The following TLK2 variants were observed in gnomAD, a reference collection of about 807,000 sequenced individuals.
The protein encoded by TLK2 is tousled like kinase 2, also known as serine/threonine-protein kinase tousled-like 2.
A neutral mutation model predicts 117.3 loss-of-function variants in TLK2; 6 were observed. The ratio of observed to expected loss-of-function variants is 0.05; its 90% CI spans 0.03 to 0.10. The LOEUF (loss-of-function observed/expected upper bound fraction) is 0.10, where lower values mean the gene tolerates loss of function less well. TLK2 is among the 10% of genes least tolerant of loss of function. The pLI, the probability that TLK2 is intolerant of heterozygous loss-of-function variation, is 1.00. For missense variants in TLK2, 299 were observed against 901.2 expected, an observed-to-expected ratio of 0.33 and a Z score of 8.56; for synonymous variants, 257 against 316.7, an observed-to-expected ratio of 0.81 and a Z score of 2.00.
intron 12 of TLK2, chr17:62,574,477 C>G: frequency 1.3e-6 from 1 of 792,446 alleles, no homozygotes; most frequent in Non-Finnish European, 2.1e-6. Context: ...GCATAATGAA[C>G]TTGGAAAACA....
intron 2 of TLK2, among the ~76,000 whole-genome samples, chr17:62,489,644 G>C (rs2072892931): frequency 6.6e-6 from 1 of 152,082 alleles, no homozygotes; most frequent in South Asian, 2.1e-4. Flanking sequence ...TGCCCAGCCT[G>C]TATATTTTCT....
At chr17:62,584,725 C>G (rs986930000) in intron 15 of TLK2, among the ~76,000 whole-genome samples, 1 of 152,170 alleles carries the variant, frequency 6.6e-6, no homozygotes, top group Non-Finnish European at 1.5e-5. Flanking sequence ...GGTTTTTATA[C>G]TTTAAACATA....
At chr17:62,514,106 GTTA>G (rs1392916501) in intron 2 of TLK2, among the ~76,000 whole-genome samples, 2 of 151,914 alleles carry the variant, frequency 1.3e-5, no homozygotes, top group African/African-American at 4.8e-5. Context: ...CTACGTGTTA[GTTA>G]TTATTGTTAT....
At chr17:62,607,316 G>A (rs1392200234) in intron 20 of TLK2, among the ~76,000 whole-genome samples, 3 of 150,356 alleles carry the variant, frequency 2.0e-5, no homozygotes, top group Admixed American at 1.3e-4. Context: ...TCAGGAGATC[G>A]AGACCATCCT....
chr17:62,546,314 A>G (rs1408124095), intron 7 of TLK2, among the ~76,000 whole-genome samples: 2 of 138,870 alleles, frequency 1.4e-5, no homozygotes, highest in Non-Finnish European at 3.1e-5. Context: ...CACCCGGCTG[A>G]GAAAGTTCCC....
At chr17:62,494,020 T>C (rs1387792793) in intron 2 of TLK2, among the ~76,000 whole-genome samples, 2 of 152,136 alleles carry the variant, frequency 1.3e-5, no homozygotes, top group Admixed American at 6.6e-5. Flanking sequence ...GTAGGTTACT[T>C]TTAGAATATC....
chr17:62,554,196 C>T (rs2078679761), intron 9 of TLK2, among the ~76,000 whole-genome samples: 1 of 152,234 alleles, frequency 6.6e-6, no homozygotes, highest in East Asian at 1.9e-4. Flanking sequence ...CTTTAAAATG[C>T]TTCATCTGGA....
chr17:62,602,336 A>G (rs1378564786), intron 19 of TLK2, among the ~76,000 whole-genome samples, 156 bp downstream of exon 19: 1 of 152,196 alleles, frequency 6.6e-6, no homozygotes. Context: ...TCTTTTCAAC[A>G]GTTTGACTCT....
intron 2 of TLK2, chr17:62,508,671 A>G (rs2074911431): frequency 2.7e-6 from 2 of 740,948 alleles, no homozygotes; most frequent in South Asian, 1.2e-4. Context: ...ATAAGACATA[A>G]AAATCAGAAT....
At chr17:62,498,286 A>G (rs535365242) in intron 2 of TLK2, among the ~76,000 whole-genome samples, 1 of 152,192 alleles carries the variant, frequency 6.6e-6, no homozygotes, top group African/African-American at 2.4e-5. Flanking sequence ...TATAATTCCT[A>G]GTTTTTAGGT....
intron 6 of TLK2, among the ~76,000 whole-genome samples, chr17:62,529,183 G>A (rs1486170458): frequency 6.6e-6 from 1 of 152,052 alleles, no homozygotes; most frequent in Non-Finnish European, 1.5e-5. Flanking sequence ...ATTAAATTTT[G>A]TTTTATGTAT....
At chr17:62,552,676 T>G (rs2078563221) in intron 8 of TLK2, among the ~76,000 whole-genome samples, 1 of 152,042 alleles carries the variant, frequency 6.6e-6, no homozygotes, top group Non-Finnish European at 1.5e-5. Flanking sequence ...TTTTTTTTTT[T>G]TTCCCTACAG....
chr17:62,552,680 C>G (rs1041692117), intron 8 of TLK2, among the ~76,000 whole-genome samples: 13 of 147,294 alleles, frequency 8.8e-5, no homozygotes, highest in Non-Finnish European at 7.5e-5. Context: ...TTTTTTTTTC[C>G]CTACAGTATT....
chr17:62,526,332 C>T (rs1202056902), intron 6 of TLK2, among the ~76,000 whole-genome samples: 1 of 152,192 alleles, frequency 6.6e-6, no homozygotes, highest in African/African-American at 2.4e-5. Context: ...GTTCCCTTTC[C>T]TCCATGAATA....
intron 7 of TLK2, among the ~76,000 whole-genome samples, chr17:62,548,513 C>A (rs1456864246): frequency 6.6e-6 from 1 of 151,878 alleles, no homozygotes; most frequent in Non-Finnish European, 1.5e-5. Flanking sequence ...GAACTCCTGA[C>A]CTCATGATCT....
intron 6 of TLK2, 70 bp from the exon 7 acceptor site, chr17:62,536,100 C>A: frequency 2.6e-6 from 4 of 1,517,464 alleles, no homozygotes; most frequent in Non-Finnish European, 3.6e-6. Context: ...TGTTTTTAAC[C>A]CGTTGCATGT....
rs370243249 is a variant in TLK2, at chr17:62,600,829, A to T, written c.1720+9A>T. The T allele has an allele frequency of 1.9e-6, 3 of 1,593,368 alleles. No individual in the cohort carries two copies. The highest frequency in any genetic ancestry group is 1.2e-5 in the South Asian group (1 of 86,954). On this transcript the variant is annotated intron_variant, in intron 18 of 21. Coordinates refer to ENST00000346027, the MANE Select transcript of TLK2 (RefSeq NM_006852.6). ...CTATGACCTCAAACCAGGTATGTCT[A>T]ACTTTTAGGAGACAGTATTAGTGGG... is the stretch of plus-strand genomic sequence containing the variant.
chr17:62,518,526 A>G (rs2075796438), intron 2 of TLK2, among the ~76,000 whole-genome samples: 1 of 152,108 alleles, frequency 6.6e-6, no homozygotes, highest in African/African-American at 2.4e-5. Context: ...CAACATGGTG[A>G]AACCCCTTCT....
At chr17:62,610,372 G>A (rs368361462) in intron 21 of TLK2, among the ~76,000 whole-genome samples, 4 of 152,308 alleles carry the variant, frequency 2.6e-5, no homozygotes, top group Non-Finnish European at 4.4e-5. Flanking sequence ...AGATGGAATC[G>A]AATATGTAGC....
Sources: allele counts gnomAD v4.1 joint callset (sites outside exome capture counted in the v4.1 genomes callset), GRCh38; gene constraint gnomAD v4.1.1; transcripts MANE v1.5; gene names NCBI Gene and HGNC (gene_info 2026-07-23, HGNC 2026-07-21).